Variants in DALRD3 observed in about 807,000 individuals in gnomAD.
DALRD3 encodes DALR anticodon binding domain containing 3.
Under a neutral mutation model 56.7 loss-of-function variants are expected in DALRD3, and 47 were observed. The ratio of observed to expected loss-of-function variants is 0.83; its 90% CI spans 0.66 to 1.06. The LOEUF (loss-of-function observed/expected upper bound fraction) is 1.06. DALRD3 is among the 50% of genes least tolerant of loss of function. DALRD3 has a pLI of 0.00. For missense variants in DALRD3, 787 were observed against 724.0 expected, an observed-to-expected ratio of 1.09 and a Z score of -1.00; for synonymous variants, 347 against 308.5, an observed-to-expected ratio of 1.12 and a Z score of -1.31.
chr3:49,017,221 A>AG lies in DALRD3; in HGVS notation c.927+6_927+7insC, dbSNP rs2093095460. 6.2e-7 allele frequency: 1 copy of AG among 1,614,026 alleles called. No individual in the cohort carries two copies. The highest frequency in any genetic ancestry group is 1.3e-5 in the African/African-American group (1 of 74,888). Reference sequence around the variant, plus strand: ...GGTGGGGAGCTCCACCATCATTATTAACCTACCTGTCTGAGTGGAGCCTTG... The same window carrying AG: ...GGTGGGGAGCTCCACCATCATTATTAGACCTACCTGTCTGAGTGGAGCCTTG... On this transcript the variant is annotated splice_region_variant and intron_variant, in intron 5 of 11. Coordinates refer to ENST00000341949, the MANE Select transcript of DALRD3 (RefSeq NM_001009996.3).
chr3:49,015,906 T>C, intron 10 of DALRD3, 34 bp from the exon 11 acceptor site: 1 of 1,614,182 alleles, frequency 6.2e-7, no homozygotes, highest in Non-Finnish European at 8.5e-7. Context: ...GGCCCATCTC[T>C]TTGCTCTTGT....
At chr3:49,019,073 G>A, upstream of DALRD3, 1 of 975,134 alleles carries the variant, frequency 1.0e-6, no homozygotes, top group Non-Finnish European at 1.2e-6. Context: ...TGAGATATGG[G>A]TGTTTTTTTG....
chr3:49,016,728 C>A (rs971529201), intron 6 of DALRD3, 46 bp downstream of exon 6: 4 of 1,613,412 alleles, frequency 2.5e-6, no homozygotes, highest in Non-Finnish European at 3.4e-6. Flanking sequence ...AAGAGTCCCC[C>A]CTCATTACCC....
At position 49,018,381 on chromosome 3, in the gene DALRD3, C is replaced by T. The variant is rs761753187; in HGVS notation, c.165+19G>A. The T allele has an allele frequency of 1.7e-5, 26 of 1,546,162 alleles. No homozygotes were observed. The highest frequency in any genetic ancestry group is 7.8e-5 in the Admixed American group (4 of 51,282). ...GGGCCCATCTCCCGGCCGCACGGCCCCGCCCGGCTCACGCCCACCTGGCCG... is the reference window on the plus strand; with the variant it reads ...GGGCCCATCTCCCGGCCGCACGGCCTCGCCCGGCTCACGCCCACCTGGCCG... On this transcript the variant is annotated intron_variant, in intron 1 of 11. Transcript: ENST00000341949.
Position 49,018,291 on chromosome 3 carries a change from C to A in DALRD3, c.193G>T (p.Ala65Ser). 6.9e-7 allele frequency: 1 copy of A among 1,453,758 alleles called. No homozygotes were observed. Among genetic ancestry groups the A allele is most frequent in the Non-Finnish European group, 9.0e-7 (1 of 1,110,506 alleles). 90.1% of individuals were successfully genotyped at this position (1,453,758 alleles called of 1,614,324 possible). The part of the protein sequence containing the change: ...QVPEHLLHAL[A>S]CLQGPGVAPV... The stretch of plus-strand genomic sequence containing the variant: ...GCCACACCGGGGCCCTGCAGGCAGG[C>A]GAGGGCATGGAGCAAATGCTCCGGA... Residue 65 changes from alanine to serine, a missense_variant, in exon 2 of 12, where the codon GCC becomes TCC. By Grantham distance (99) the Ala-to-Ser change is moderately conservative. Coordinates refer to ENST00000341949, the MANE Select transcript of DALRD3 (RefSeq NM_001009996.3).
upstream of DALRD3, chr3:49,018,977 G>C (rs1164961863): frequency 2.0e-6 from 2 of 985,326 alleles, no homozygotes; most frequent in Non-Finnish European, 2.4e-6. Flanking sequence ...TAACATTAAG[G>C]CCACTTTCAC....
At chr3:49,015,762 A>G (rs760100962) in intron 11 of DALRD3, 42 bp downstream of exon 11, 2 of 1,614,018 alleles carry the variant, frequency 1.2e-6, no homozygotes, top group Admixed American at 3.3e-5. Flanking sequence ...CCTTTACCCT[A>G]TACCTCTCTG....
Position 49,016,861 on chromosome 3 carries a change from G to A in DALRD3, c.928-14C>T, listed in dbSNP as rs767689821. 14 of 1,614,056 alleles carry A rather than the reference G, an allele frequency of 8.7e-6. No homozygotes were observed. The highest frequency in any genetic ancestry group is 2.7e-5 in the African/African-American group (2 of 74,920). ...GATGAGGTGCTTCTGTCAGAAAGAT[G>A]TCAGGGGCTCAGCCTAGTTGGCGCT... On this transcript the variant is annotated splice_polypyrimidine_tract_variant and intron_variant, in intron 5 of 11. Transcript: ENST00000341949.
upstream of DALRD3, chr3:49,018,947 G>A: frequency 1.0e-6 from 1 of 985,408 alleles, no homozygotes; most frequent in Non-Finnish European, 1.2e-6. Flanking sequence ...ATGAATATTC[G>A]TCACTGGAAT....
upstream of DALRD3, chr3:49,018,673 C>CA: frequency 7.0e-7 from 1 of 1,428,190 alleles, no homozygotes; most frequent in African/African-American, 1.5e-5. Flanking sequence ...CGTAAGTGGA[C>CA]AGGTGCGCCA....
upstream of DALRD3, chr3:49,018,635 G>A: frequency 6.9e-7 from 1 of 1,458,340 alleles, no homozygotes; most frequent in Non-Finnish European, 9.0e-7. Context: ...GGACCGACTA[G>A]CTGGGGCGGG....
Position 49,016,246 on chromosome 3 carries a change from AAG to A in DALRD3, c.1239_1240del (p.Phe414Ter), listed in dbSNP as rs1189218382. 1.9e-6 allele frequency: 3 copies of A among 1,614,048 alleles called. No homozygotes were observed. Among genetic ancestry groups the A allele is most frequent in the East Asian group, 2.2e-5 (1 of 44,892 alleles). On this transcript the variant is annotated frameshift_variant, in exon 9 of 12. Transcript: ENST00000341949. LOFTEE classifies it high-confidence loss of function. ...TTCCATACTACACTTGTAACTCTCA[AAG>A]AGTGTGGCAAGACGGGCACAATTAT...
In DALRD3 at chr3:49,015,794, G is replaced by A. The variant is rs549158920; in HGVS notation, c.1512+10C>T. The A allele has an allele frequency of 3.7e-6, 6 of 1,614,140 alleles. No individual in the cohort carries two copies. In the African/African-American group the frequency reaches 5.3e-5, roughly 14 times the overall value. On this transcript the variant is annotated intron_variant, in intron 11 of 11. Coordinates refer to ENST00000341949, the MANE Select transcript of DALRD3 (RefSeq NM_001009996.3). ...TCTGCACGTCCCACCCCATTTTGCT[G>A]TGTGCTCACCCCCAGGATGTGTACC...
rs1365972073 is a variant in DALRD3, at chr3:49,018,519, T to A, written c.46A>T (p.Asn16Tyr). 1 of 1,585,506 alleles carries A rather than the reference T, an allele frequency of 6.3e-7. No individual in the cohort carries two copies. The highest frequency in any genetic ancestry group is 1.1e-5 in the South Asian group (1 of 87,572). The change falls in exon 1 of 12, where the codon AAC (asparagine) becomes TAC (tyrosine). Residue 16 changes from asparagine (N) to tyrosine (Y), a missense_variant. Asn to Tyr is a moderately radical substitution (Grantham distance 143, BLOSUM62 -2). Coordinates refer to ENST00000341949, the MANE Select transcript of DALRD3 (RefSeq NM_001009996.3). ...GGACCGCCTGGCCCCAGGGCCGCGT[T>A]GAGGGCCCCCAGCGTCTCCCCGACC... ...LGVGETLGAL[N>Y]AALGPGGPVW...
chr3:49,017,430 T>C lies in DALRD3; in HGVS notation c.798+4A>G. ...GAGAACCTACAGGGCTGGGAGTCACTAACCAGGCCTGGGTGGCTGTCCTCG... is the reference window on the plus strand; with the variant it reads ...GAGAACCTACAGGGCTGGGAGTCACCAACCAGGCCTGGGTGGCTGTCCTCG... On this transcript the variant is annotated splice_donor_region_variant and intron_variant, in intron 4 of 11. Coordinates refer to ENST00000341949, the MANE Select transcript of DALRD3 (RefSeq NM_001009996.3). 6.2e-7 allele frequency: 1 copy of C among 1,614,098 alleles called. No homozygotes were observed. Among genetic ancestry groups the C allele is most frequent in the African/African-American group, 1.3e-5 (1 of 75,056 alleles).
intron 6 of DALRD3, 47 bp from the exon 7 acceptor site, chr3:49,016,720 G>C: frequency 6.2e-7 from 1 of 1,613,916 alleles, no homozygotes; most frequent in South Asian, 1.1e-5. Flanking sequence ...CCTGGGTAAA[G>C]AGTCCCCCCT....
intron 5 of DALRD3, 148 bp downstream of exon 5, chr3:49,017,074 TCTGCAC>T: frequency 1.8e-6 from 2 of 1,112,146 alleles, no homozygotes; most frequent in Non-Finnish European, 2.6e-6. Context: ...CCCCAGAGCC[TCTGCAC>T]CTGCTGTACA....
chr3:49,017,057 C>T (rs751393003), intron 5 of DALRD3, 171 bp downstream of exon 5: 13 of 997,174 alleles, frequency 1.3e-5, no homozygotes, highest in Admixed American at 2.3e-5. Flanking sequence ...GTCTACAGAC[C>T]CCCCTTCCCC....
At chr3:49,016,748 T>G (rs1161188606) in intron 6 of DALRD3, 26 bp downstream of exon 6, 3 of 1,613,968 alleles carry the variant, frequency 1.9e-6, no homozygotes, top group Non-Finnish European at 2.5e-6. Context: ...CTGGCTTAGG[T>G]TGGTGTTCCT....
Sources: allele counts gnomAD v4.1 joint callset, GRCh38; gene constraint gnomAD v4.1.1; transcripts MANE v1.5; gene names NCBI Gene and HGNC (gene_info 2026-07-23, HGNC 2026-07-21).